Variants in GNG7 observed in about 807,000 individuals in gnomAD.
GNG7 encodes the protein guanine nucleotide-binding protein G(I)/G(S)/G(O) subunit gamma-7.
GNG7 carries 1 observed loss-of-function variant against 4.0 expected under a neutral mutation model. That is an observed-to-expected ratio of 0.25 (90% CI 0.09 to 1.18). The LOEUF is 1.18. GNG7 is among the 50% of genes most tolerant of loss of function. The pLI, the probability that GNG7 is intolerant of heterozygous loss-of-function variation, is 0.50. For missense variants in GNG7, 86 were observed against 91.9 expected (o/e 0.94, Z 0.26); for synonymous variants, 34 against 36.9 (o/e 0.92, Z 0.29).
intron 1 of GNG7, among the ~76,000 whole-genome samples, chr19:2,677,114 C>A (rs967620902): frequency 1.3e-5 from 2 of 152,104 alleles, no homozygotes; most frequent in Non-Finnish European, 1.5e-5. Flanking sequence ...CATATATGCT[C>A]GCAAGAATTC....
chr19:2,612,707 A>ATTTTTTTTTTTTTTTTTTTT (rs1252017966), intron 2 of GNG7, among the ~76,000 whole-genome samples: 1 of 137,436 alleles, frequency 7.3e-6, no homozygotes, highest in African/African-American at 3.1e-5. Flanking sequence ...TTTTTGAGAA[A>ATTTTTTTTTTTTTTTTTTTT]TTTTTTTTTT....
At chr19:2,668,233 GAGAC>G (rs1384728004) in intron 1 of GNG7, among the ~76,000 whole-genome samples, 14 of 140,232 alleles carry the variant, frequency 1.0e-4, no homozygotes, top group African/African-American at 1.6e-4. Flanking sequence ...AAAAAAAAAA[GAGAC>G]AGAGAGAAGA....
chr19:2,575,722 G>GAC (rs1307088459), intron 2 of GNG7, among the ~76,000 whole-genome samples: 1 of 59,660 alleles, frequency 1.7e-5, no homozygotes, highest in African/African-American at 1.3e-4. Flanking sequence ...GGCACACGCA[G>GAC]ACACGCAGGC....
At position 2,686,976 on chromosome 19, in the gene GNG7, T is replaced by G. The variant is rs1234703061; in HGVS notation, c.-135+15670A>C. Among the ~76,000 whole-genome samples the G allele has an allele frequency of 2.0e-5, 3 of 151,450 alleles. No homozygotes were observed. In the East Asian group the frequency reaches 5.9e-4, roughly 30 times the overall value. The stretch of plus-strand genomic sequence containing the variant: ...ACCGTGTTAGCCAGGATGGTCTCGA[T>G]CTCCTGACCTCGTGATCCGCCCGCC... On this transcript the variant is annotated intron_variant, in intron 1 of 4. Coordinates refer to ENST00000382159, the MANE Select transcript of GNG7 (RefSeq NM_052847.3).
chr19:2,540,781 T>C (rs988494796), intron 3 of GNG7, among the ~76,000 whole-genome samples: 13 of 152,224 alleles, frequency 8.5e-5, no homozygotes, highest in African/African-American at 3.1e-4. Flanking sequence ...TTTTTAGGTC[T>C]GTGATGCCAC....
At chr19:2,663,346 C>G (rs200548053) in intron 1 of GNG7, among the ~76,000 whole-genome samples, 1 of 139,990 alleles carries the variant, frequency 7.1e-6, no homozygotes, top group Non-Finnish European at 1.5e-5. Flanking sequence ...CTCTCTCTCT[C>G]CCCCCCCTCC....
At chr19:2,699,097 G>A (rs1009194903) in intron 1 of GNG7, among the ~76,000 whole-genome samples, 1 of 150,656 alleles carries the variant, frequency 6.6e-6, no homozygotes, top group African/African-American at 2.4e-5. Flanking sequence ...TTCTAAATCA[G>A]TACTAAGTGT....
rs374719277 is a variant in GNG7, at chr19:2,658,668, G to A, written c.-134-12388C>T. On this transcript the variant is annotated intron_variant, in intron 1 of 4. Transcript: ENST00000382159. ...CCAGTGAAATGAGCCAGATGCAAAA[G>A]GACAAATCCTGTGTAACTCCACGCT... Among the ~76,000 whole-genome samples the A allele has an allele frequency of 6.6e-5, 10 of 152,338 alleles. No individual in the cohort carries two copies. The East Asian group carries it at 1.9e-3, about 29-fold the overall frequency.
At chr19:2,652,965 A>G (rs1685053946) in intron 1 of GNG7, among the ~76,000 whole-genome samples, 1 of 152,028 alleles carries the variant, frequency 6.6e-6, no homozygotes, top group Non-Finnish European at 1.5e-5. Flanking sequence ...TATCTCTACA[A>G]AAAATTTAAA....
chr19:2,665,389 C>T (rs952862373), intron 1 of GNG7, among the ~76,000 whole-genome samples: 4 of 151,616 alleles, frequency 2.6e-5, no homozygotes, highest in Admixed American at 1.3e-4. Context: ...ATCACCCTGC[C>T]GTGCTGGACA....
At chr19:2,656,364 G>A (rs969167562) in intron 1 of GNG7, among the ~76,000 whole-genome samples, 1 of 152,246 alleles carries the variant, frequency 6.6e-6, no homozygotes, top group Non-Finnish European at 1.5e-5. Flanking sequence ...AGCACTTTGG[G>A]AGGCCAAGGC....
intron 1 of GNG7, among the ~76,000 whole-genome samples, chr19:2,661,311 A>G (rs1271667330): frequency 9.2e-5 from 13 of 141,142 alleles, no homozygotes; most frequent in Non-Finnish European, 6.2e-5. Flanking sequence ...AGAGAAAGAA[A>G]GAAAGAAAGA....
intron 3 of GNG7, among the ~76,000 whole-genome samples, chr19:2,554,765 G>T (rs1979495674): frequency 2.0e-5 from 3 of 151,678 alleles, no homozygotes; most frequent in Admixed American, 6.6e-5. Flanking sequence ...GTGTTGGTCA[G>T]CCTGGTCTCA....
rs578147039 is a variant in GNG7 at position 2,515,203 on chromosome 19, C to T, written c.82-56G>A. On this transcript the variant is annotated intron_variant, in intron 4 of 4. Transcript: ENST00000382159. ...AGACATAAGAAGAGGCTGGCACACC[C>T]GGGTTCACAGCAGCACCATTCCCAA... 1,638 of 1,606,200 alleles carry T rather than the reference C, an allele frequency of 1.0e-3. 3 individuals are homozygous for T. Among genetic ancestry groups the T allele is most frequent in the Admixed American group, 3.0e-3 (178 of 59,544 alleles).
At chr19:2,700,521 G>A (rs1167957630) in intron 1 of GNG7, among the ~76,000 whole-genome samples, 2 of 152,074 alleles carry the variant, frequency 1.3e-5, no homozygotes, top group Admixed American at 6.6e-5. Context: ...TCAAGTTCCA[G>A]TCACTTCCTT....
chr19:2,517,190 G>A (rs1972747779), intron 4 of GNG7: 1 of 152,160 alleles, frequency 6.6e-6, no homozygotes, highest in Non-Finnish European at 1.5e-5. Flanking sequence ...TTTGTTATCT[G>A]TTTTTGAGAC....
chr19:2,607,875 C>T (rs1290704075), intron 2 of GNG7, among the ~76,000 whole-genome samples: 1 of 151,986 alleles, frequency 6.6e-6, no homozygotes, highest in East Asian at 1.9e-4. Flanking sequence ...TTCTAGGGAG[C>T]AGTCCCCCCA....
intron 1 of GNG7, among the ~76,000 whole-genome samples, chr19:2,680,703 G>A (rs1359556164): frequency 6.6e-6 from 1 of 150,986 alleles, no homozygotes; most frequent in Non-Finnish European, 1.5e-5. Flanking sequence ...AGCCTCCTAA[G>A]TAGCTAGGAT....
intron 1 of GNG7, chr19:2,683,693 C>T (rs1383151783): frequency 1.3e-5 from 2 of 152,494 alleles, no homozygotes; most frequent in African/African-American, 4.8e-5. Context: ...AAAGCCTGAA[C>T]CGAGGGCATT....
Sources: gnomAD v4.1 joint callset for allele counts (sites outside exome capture counted in the v4.1 genomes callset) on GRCh38, gnomAD v4.1.1 for gene constraint, MANE v1.5 for transcripts, NCBI Gene and HGNC (gene_info 2026-07-23, HGNC 2026-07-21) for gene names.